Variants in VAV3 observed in about 807,000 individuals in gnomAD.
VAV3 encodes guanine nucleotide exchange factor VAV3.
VAV3 carries 94 observed loss-of-function variants against 131.2 expected under a neutral mutation model. The observed-to-expected ratio is 0.72, with a 90% CI of 0.61 to 0.85. VAV3 has a LOEUF of 0.85. Among genes scored for constraint, VAV3 ranks in the 40% least tolerant of loss-of-function variants. The pLI is 0.00. For synonymous variants in VAV3, 349 were observed against 342.0 expected (o/e 1.02, Z -0.22); for missense variants, 939 against 1,002.7 (o/e 0.94, Z 0.86).
At chr1:107,889,613 T>TA (rs1671219973) in intron 1 of VAV3, among the ~76,000 whole-genome samples, 1 of 152,014 alleles carries the variant, frequency 6.6e-6, no homozygotes, top group South Asian at 2.1e-4. Context: ...ATTTCAGTGT[T>TA]AGATTTTACA....
intron 20 of VAV3, among the ~76,000 whole-genome samples, chr1:107,625,949 A>T (rs1653987121): frequency 6.6e-6 from 1 of 152,192 alleles, no homozygotes; most frequent in Non-Finnish European, 1.5e-5. Flanking sequence ...TAATAAAATA[A>T]TGGAAGAAAA....
intron 4 of VAV3, among the ~76,000 whole-genome samples, chr1:107,773,728 G>C (rs747246891): frequency 3.3e-5 from 5 of 152,148 alleles, no homozygotes; most frequent in Non-Finnish European, 7.4e-5. Flanking sequence ...ATACTGAGGG[G>C]TTTAGGCGGC....
At chr1:107,594,470 T>A (rs1002668483) in intron 25 of VAV3, among the ~76,000 whole-genome samples, 6 of 152,144 alleles carry the variant, frequency 3.9e-5, no homozygotes, top group African/African-American at 1.2e-4. Context: ...AGTGGCTTGA[T>A]TCAAGTTGTC....
intron 2 of VAV3, among the ~76,000 whole-genome samples, chr1:107,824,031 A>G (rs1284193690): frequency 6.6e-6 from 1 of 152,204 alleles, no homozygotes; most frequent in Non-Finnish European, 1.5e-5. Context: ...AGACTCAACC[A>G]GTGTCATTGC....
At chr1:107,771,936 G>A (rs1478373629) in intron 5 of VAV3, among the ~76,000 whole-genome samples, 3 of 152,180 alleles carry the variant, frequency 2.0e-5, no homozygotes, top group Admixed American at 6.5e-5. Flanking sequence ...ACACAGGCAG[G>A]TAACTTGTTT....
At chr1:107,888,695 G>A (rs963988986) in intron 1 of VAV3, among the ~76,000 whole-genome samples, 1 of 152,092 alleles carries the variant, frequency 6.6e-6, no homozygotes, top group African/African-American at 2.4e-5. Flanking sequence ...CTGACCTCAA[G>A]TGATCCCCCC....
At chr1:107,945,395 A>T (rs1204241404) in intron 1 of VAV3, among the ~76,000 whole-genome samples, 1 of 152,210 alleles carries the variant, frequency 6.6e-6, no homozygotes, top group Non-Finnish European at 1.5e-5. Context: ...TACTAATAAC[A>T]GTTATTATAT....
At chr1:107,642,842 C>T in intron 19 of VAV3, 87 bp from the exon 20 acceptor site, 2 of 1,566,614 alleles carry the variant, frequency 1.3e-6, no homozygotes, top group Non-Finnish European at 1.7e-6. Flanking sequence ...TCATTATTAA[C>T]ATTAAAAAGT....
intron 2 of VAV3, among the ~76,000 whole-genome samples, chr1:107,828,758 C>T (rs1668120145): frequency 6.6e-6 from 1 of 152,192 alleles, no homozygotes; most frequent in Non-Finnish European, 1.5e-5. Context: ...AGATAATCTA[C>T]TCATCTCAAG....
At chr1:107,749,733 G>A in intron 13 of VAV3, 139 bp from the exon 14 acceptor site, 1 of 930,764 alleles carries the variant, frequency 1.1e-6, no homozygotes, top group Non-Finnish European at 1.6e-6. Flanking sequence ...AAACAACGGG[G>A]TATTTGAGGT....
intron 19 of VAV3, among the ~76,000 whole-genome samples, chr1:107,659,434 G>A (rs367827223): frequency 1.2e-4 from 19 of 152,146 alleles, no homozygotes; most frequent in African/African-American, 4.3e-4. Flanking sequence ...ACATTTCTAC[G>A]AATCCTATAG....
At chr1:107,848,274 C>T (rs1324452705) in intron 2 of VAV3, among the ~76,000 whole-genome samples, 3 of 146,678 alleles carry the variant, frequency 2.0e-5, no homozygotes, top group Non-Finnish European at 4.4e-5. Flanking sequence ...GATCATGCCA[C>T]TGCACTCCAA....
chr1:107,753,372 G>A (rs1663856884), intron 12 of VAV3, among the ~76,000 whole-genome samples: 1 of 151,404 alleles, frequency 6.6e-6, no homozygotes. Context: ...TGAAGTTTTG[G>A]AGACGGTCAC....
At chr1:107,810,616 T>C (rs773895729) in intron 2 of VAV3, among the ~76,000 whole-genome samples, 7 of 152,170 alleles carry the variant, frequency 4.6e-5, no homozygotes, top group Non-Finnish European at 7.3e-5. Context: ...CTGTCTCTTA[T>C]GATTTGGGAT....
chr1:107,617,519 G>T, intron 21 of VAV3, 48 bp downstream of exon 21: 1 of 1,544,922 alleles, frequency 6.5e-7, no homozygotes, highest in Non-Finnish European at 8.8e-7. Context: ...TTAATCACAG[G>T]ATCAAAAACA....
intron 21 of VAV3, among the ~76,000 whole-genome samples, chr1:107,613,036 T>A (rs924017249): frequency 6.6e-6 from 1 of 152,122 alleles, no homozygotes; most frequent in Non-Finnish European, 1.5e-5. Flanking sequence ...CAAGTTATAG[T>A]TATGTGTGGG....
At chr1:107,831,815 T>C (rs928132881) in intron 2 of VAV3, among the ~76,000 whole-genome samples, 2 of 152,244 alleles carry the variant, frequency 1.3e-5, no homozygotes, top group African/African-American at 4.8e-5. Context: ...TTAGACATAT[T>C]CTCATGTAAC....
chr1:107,629,944 T>A (rs1320550338), intron 20 of VAV3, among the ~76,000 whole-genome samples: 1 of 152,124 alleles, frequency 6.6e-6, no homozygotes, highest in East Asian at 1.9e-4. Context: ...AGTGAAGTCA[T>A]CAACTTGCAA....
chr1:107,770,215 T>C (rs1244102115), intron 6 of VAV3, among the ~76,000 whole-genome samples: 1 of 152,124 alleles, frequency 6.6e-6, no homozygotes, highest in Non-Finnish European at 1.5e-5. Context: ...CTCAGTTCAC[T>C]TAGCTGCCCA....
Sources: allele counts gnomAD v4.1 joint callset (sites outside exome capture counted in the v4.1 genomes callset), GRCh38; gene constraint gnomAD v4.1.1; transcripts MANE v1.5; gene names NCBI Gene and HGNC (gene_info 2026-07-23, HGNC 2026-07-21).